The following FGF13 variants were observed in gnomAD, a reference collection of about 807,000 sequenced individuals.
FGF13 encodes fibroblast growth factor homologous factor 2.
A neutral mutation model predicts 19.5 loss-of-function variants in FGF13; 2 were observed. That is an observed-to-expected ratio of 0.10 (90% CI 0.04 to 0.32). The LOEUF is 0.32. Among genes scored for constraint, FGF13 ranks in the 10% least tolerant of loss-of-function variants. The pLI, the probability that FGF13 is intolerant of heterozygous loss-of-function variation, is 1.00. For missense variants in FGF13, 113 were observed against 192.7 expected (o/e 0.59, Z 2.45); for synonymous variants, 72 against 76.9 (o/e 0.94, Z 0.33).
At chrX:139,031,403 T>G (rs142857332) in intron 1 of FGF13, among the ~76,000 whole-genome samples, 307 of 110,847 alleles carry the variant, frequency 2.8e-3, no homozygotes, top group African/African-American at 9.7e-3. Context: ...AGATTGTATT[T>G]TCTGTAATAA....
intron 1 of FGF13, among the ~76,000 whole-genome samples, chrX:139,052,564 T>A (rs1342782024): frequency 8.9e-6 from 1 of 111,756 alleles, no homozygotes; most frequent in Non-Finnish European, 1.9e-5. Context: ...GATGAATGAG[T>A]GGGAGTATTG....
intron 3 of FGF13, among the ~76,000 whole-genome samples, chrX:138,699,860 G>A (rs1602716860): frequency 9.0e-6 from 1 of 111,277 alleles, no homozygotes; most frequent in Non-Finnish European, 1.9e-5. Context: ...CAAGTGCTAG[G>A]TTCATATTTT....
Position 138,708,948 on chromosome X carries a change from T to A in FGF13, c.188-20A>T. 1.1e-6 allele frequency: 1 copy of A among 948,618 alleles called. No homozygotes were observed. Among genetic ancestry groups the A allele is most frequent in the Non-Finnish European group, 1.5e-6 (1 of 669,124 alleles). 78.2% of individuals were successfully genotyped at this position (948,618 alleles called of 1,213,427 possible). On this transcript the variant is annotated intron_variant, in intron 1 of 4. Coordinates refer to ENST00000315930, the MANE Select transcript of FGF13 (RefSeq NM_004114.5). Reference sequence around the variant, plus strand: ...GAGGCTCTGCAAAGAGAACAATGATTTGGATCAATTGATAAATTGTGCCTA... The same window carrying A: ...GAGGCTCTGCAAAGAGAACAATGATATGGATCAATTGATAAATTGTGCCTA...
chrX:139,136,207 T>G (rs959406789), intron 1 of FGF13, among the ~76,000 whole-genome samples: 17 of 111,675 alleles, frequency 1.5e-4, no homozygotes, highest in African/African-American at 5.5e-4. Context: ...TTCAATATAT[T>G]TTTTTATTTA....
chrX:138,620,174 C>A lies in FGF13; in HGVS notation c.*12676G>T, dbSNP rs1315180976. On this transcript the variant is annotated 3_prime_UTR_variant, in exon 5 of 5. Coordinates refer to ENST00000315930, the MANE Select transcript of FGF13 (RefSeq NM_004114.5). ...AGATCATGTCATTTTCAGGGACACA[C>A]ATGGCGCTGGAAGCCATTATTCTTA... The A allele has an allele frequency of 9.0e-6, 1 of 111,536 alleles. No individual in the cohort carries two copies. Among genetic ancestry groups the A allele is most frequent in the Non-Finnish European group, 1.9e-5 (1 of 53,161 alleles). The allele number at this position is 111,536 out of a possible 1,213,427, so 9.2% of individuals were successfully genotyped here. A position where few individuals can be genotyped will look rare whatever the true frequency, so the allele number is the denominator to read the frequency against.
intron 3 of FGF13, among the ~76,000 whole-genome samples, chrX:138,701,980 T>A (rs1433360914): frequency 8.9e-6 from 1 of 112,113 alleles, no homozygotes; most frequent in Admixed American, 9.4e-5. Context: ...AAACAAAGAT[T>A]TAAAAAATAC....
chrX:139,005,169 G>A (rs966999655), intron 1 of FGF13, among the ~76,000 whole-genome samples: 1 of 87,678 alleles, frequency 1.1e-5, no homozygotes, highest in South Asian at 7.2e-4. Flanking sequence ...CACTGGCGTT[G>A]ACCACAGGGT....
At chrX:138,882,907 A>G (rs1322073106) in intron 1 of FGF13, among the ~76,000 whole-genome samples, 1 of 111,096 alleles carries the variant, frequency 9.0e-6, no homozygotes, top group Non-Finnish European at 1.9e-5. Flanking sequence ...CCTAGATCAC[A>G]GGCTTTGAGG....
intron 3 of FGF13, among the ~76,000 whole-genome samples, chrX:138,702,540 A>G (rs1006011178): frequency 8.9e-6 from 1 of 112,399 alleles, no homozygotes; most frequent in East Asian, 2.8e-4. Flanking sequence ...TAAACTGAAG[A>G]TAAGAAATAG....
intron 1 of FGF13, among the ~76,000 whole-genome samples, chrX:138,891,234 G>A (rs1265819245): frequency 1.8e-5 from 2 of 111,744 alleles, no homozygotes; most frequent in African/African-American, 3.3e-5. Flanking sequence ...GCAGTGAGCC[G>A]AGATTGCGCC....
chrX:138,854,673 C>T (rs113951285), downstream of FGF13, among the ~76,000 whole-genome samples: 213 of 112,135 alleles, frequency 1.9e-3, no homozygotes, highest in African/African-American at 5.8e-3. Context: ...CTAAAGCTTA[C>T]GCAATTCAAA....
chrX:138,796,615 T>G (rs773171403), intron 3 of FGF13, among the ~76,000 whole-genome samples: 85 of 111,867 alleles, frequency 7.6e-4, no homozygotes, highest in African/African-American at 2.7e-3. Context: ...TCAAATGGTA[T>G]TTCTGGTTCT....
In FGF13 at chrX:138,781,927, G is replaced by A. The variant is rs1602842083; in HGVS notation, c.218-72999C>T. Among the ~76,000 whole-genome samples the A allele has an allele frequency of 5.4e-5, 6 of 111,857 alleles. No homozygotes were observed. The South Asian group carries it at 1.9e-3, about 35-fold the overall frequency. ...ACCCTCAATAAAATACTGGCAAAAC[G>A]AATCCAGCAGCACATCAAAAAGCTT... is the stretch of plus-strand genomic sequence containing the variant. On this transcript the variant is annotated intron_variant, in intron 3 of 6. Coordinates refer to the FGF13 transcript ENST00000436198.
intron 3 of FGF13, among the ~76,000 whole-genome samples, chrX:138,831,458 C>G (rs369128223): frequency 1.8e-5 from 2 of 111,548 alleles, no homozygotes; most frequent in African/African-American, 6.5e-5. Flanking sequence ...CCTTGGGGGC[C>G]CAATCCCAAC....
At chrX:138,861,257 G>A (rs984604330) in intron 2 of FGF13, among the ~76,000 whole-genome samples, 1 of 111,803 alleles carries the variant, frequency 8.9e-6, no homozygotes, top group Non-Finnish European at 1.9e-5. Flanking sequence ...CTGGCCTAAC[G>A]TACTCATGTT....
At chrX:139,187,903 T>C (rs2084294533) in intron 1 of FGF13, among the ~76,000 whole-genome samples, 1 of 112,046 alleles carries the variant, frequency 8.9e-6, no homozygotes, top group Admixed American at 9.4e-5. Context: ...ATAATGTACT[T>C]CCTTCCGTTC....
intron 3 of FGF13, among the ~76,000 whole-genome samples, chrX:138,830,687 T>TTGTGTGTG (rs144759178): frequency 0.033 from 2,865 of 87,461 alleles, 47 homozygotes; most frequent in South Asian, 0.057. Flanking sequence ...AAAGGGGTGT[T>TTGTGTGTG]TGTGTGTGTG....
chrX:138,853,776 G>A (rs377001605), downstream of FGF13, among the ~76,000 whole-genome samples: 6 of 111,019 alleles, frequency 5.4e-5, no homozygotes, highest in East Asian at 1.7e-3. Context: ...ATCGTAATCA[G>A]AATTTTAAAC....
At chrX:138,781,344 C>CA (rs1278967606) in intron 3 of FGF13, among the ~76,000 whole-genome samples, 1 of 109,444 alleles carries the variant, frequency 9.1e-6, no homozygotes, top group Non-Finnish European at 1.9e-5. Flanking sequence ...AATAGAGACA[C>CA]AAAAAACCCT....
Sources: allele counts gnomAD v4.1 joint callset (sites outside exome capture counted in the v4.1 genomes callset), GRCh38; gene constraint gnomAD v4.1.1; transcripts MANE v1.5; gene names NCBI Gene and HGNC (gene_info 2026-07-23, HGNC 2026-07-21).